Variants in PADI1 observed in about 807,000 individuals in gnomAD.
PADI1 encodes the protein peptidyl arginine deiminase 1.
In PADI1, 65 loss-of-function variants were observed where a neutral mutation model predicts 74.8. The observed-to-expected ratio is 0.87, with a 90% CI of 0.71 to 1.07. The LOEUF is 1.07. Ranked by LOEUF, PADI1 falls within the 50% of genes least tolerant of loss-of-function variation. PADI1 has a pLI of 0.00. For missense variants in PADI1, 943 were observed against 854.0 expected (o/e 1.10, Z -1.30); for synonymous variants, 371 against 336.2 (o/e 1.10, Z -1.13).
At chr1:17,230,313 T>C in intron 9 of PADI1, 105 bp downstream of exon 9, 1 of 1,418,864 alleles carries the variant, frequency 7.0e-7, no homozygotes, top group South Asian at 1.3e-5. Context: ...CACGGCAGCC[T>C]GGGCCAGGCC....
intron 8 of PADI1, 104 bp downstream of exon 8, chr1:17,229,155 C>A (rs1054354803): frequency 4.0e-6 from 3 of 753,914 alleles, no homozygotes; most frequent in Non-Finnish European, 6.6e-6. Flanking sequence ...GGATTCATTG[C>A]GGGCACCCAT....
chr1:17,237,587 T>TTTTTTAA, intron 12 of PADI1, 129 bp downstream of exon 12: 1 of 852,252 alleles, frequency 1.2e-6, no homozygotes, highest in Non-Finnish European at 1.7e-6. Flanking sequence ...GGACATTTTC[T>TTTTTTAA]GGGTCAGGGC....
rs764484476 is a variant in PADI1 at position 17,230,168 on chromosome 1, T to C, written c.1013T>C (p.Ile338Thr). Reference sequence around the variant, plus strand: ...TTGAAAGCCAACTGCAAGCTGACCATCTGCCCTCAAGTTGAAAATCGAAAT... The same window carrying C: ...TTGAAAGCCAACTGCAAGCTGACCACCTGCCCTCAAGTTGAAAATCGAAAT... ...LTLKANCKLT[I>T]CPQVENRNDR... Residue 338 changes from isoleucine (I) to threonine (T), a missense_variant, in exon 9 of 16, where the codon ATC becomes ACC. Physicochemically the swap from Ile to Thr is moderately conservative, Grantham distance 89. Transcript: ENST00000375471. 1.2e-6 allele frequency: 2 copies of C among 1,614,152 alleles called. No homozygotes were observed. The highest frequency in any genetic ancestry group is 4.5e-5 in the East Asian group (2 of 44,878).
chr1:17,216,342 G>A (rs1176808961), intron 1 of PADI1, among the ~76,000 whole-genome samples: 2 of 152,200 alleles, frequency 1.3e-5, no homozygotes, highest in East Asian at 1.9e-4. Context: ...CAGGATGTGA[G>A]CTGTGGCAGA....
rs540115908 is a variant in PADI1, at chr1:17,207,551, T to G, written c.92+2242T>G. ...AGCTCTGGTAGCTCTGTGAGTCCCC[T>G]TTTCTCCAGCATCTGTCCTTTCCCT... On this transcript the variant is annotated intron_variant, in intron 1 of 15. Transcript: ENST00000375471. Among the ~76,000 whole-genome samples, 3 of 152,342 alleles carry G rather than the reference T, an allele frequency of 2.0e-5. No individual in the cohort carries two copies. The South Asian group carries it at 6.2e-4, about 32-fold the overall frequency.
intron 15 of PADI1, among the ~76,000 whole-genome samples, chr1:17,241,025 G>T (rs1309389740): frequency 6.6e-6 from 1 of 152,134 alleles, no homozygotes; most frequent in Admixed American, 6.5e-5. Flanking sequence ...ATCCTACAGA[G>T]CATAGGATGC....
intron 1 of PADI1, among the ~76,000 whole-genome samples, chr1:17,214,175 A>G (rs1400412078): frequency 1.3e-5 from 2 of 152,204 alleles, no homozygotes; most frequent in African/African-American, 4.8e-5. Flanking sequence ...TCCCTCCAAC[A>G]GTCTAGGAAG....
chr1:17,237,947 G>C (rs1190333915), intron 12 of PADI1, among the ~76,000 whole-genome samples: 2 of 152,220 alleles, frequency 1.3e-5, no homozygotes, highest in African/African-American at 4.8e-5. Context: ...GGAGCCAGCA[G>C]CCTGGGAGAG....
chr1:17,212,684 G>A (rs192086651), intron 1 of PADI1, among the ~76,000 whole-genome samples: 32 of 152,368 alleles, frequency 2.1e-4, no homozygotes, highest in Admixed American at 1.7e-3. Flanking sequence ...AAAGCAGAGA[G>A]GGGTGTGAGG....
At chr1:17,237,279 A>G (rs767937973) in intron 11 of PADI1, 35 bp from the exon 12 acceptor site, 1 of 1,575,312 alleles carries the variant, frequency 6.3e-7, no homozygotes, top group Non-Finnish European at 8.6e-7. Flanking sequence ...CCTCTCAGGC[A>G]CAAGGTGACT....
intron 4 of PADI1, among the ~76,000 whole-genome samples, 177 bp downstream of exon 4, chr1:17,224,605 C>T (rs2072258132): frequency 6.6e-6 from 1 of 152,158 alleles, no homozygotes; most frequent in Non-Finnish European, 1.5e-5. Flanking sequence ...TTAACCTACA[C>T]CCTGTAACCG....
intron 2 of PADI1, 121 bp from the exon 3 acceptor site, chr1:17,223,500 T>C: frequency 2.6e-6 from 2 of 756,744 alleles, no homozygotes; most frequent in Non-Finnish European, 4.5e-6. Flanking sequence ...CTTCAGAGAC[T>C]GGGGGGGTCT....
At chr1:17,233,668 G>A (rs1223767981) in intron 11 of PADI1, among the ~76,000 whole-genome samples, 1 of 152,248 alleles carries the variant, frequency 6.6e-6, no homozygotes, top group East Asian at 1.9e-4. Flanking sequence ...CCCTGGAGAT[G>A]ACACCCACTG....
At chr1:17,236,336 A>G (rs2072640639) in intron 11 of PADI1, among the ~76,000 whole-genome samples, 1 of 152,238 alleles carries the variant, frequency 6.6e-6, no homozygotes, top group Non-Finnish European at 1.5e-5. Context: ...AATAGTCCCA[A>G]CCCCACAGGG....
intron 1 of PADI1, among the ~76,000 whole-genome samples, chr1:17,208,006 G>C (rs1270604088): frequency 1.3e-5 from 2 of 152,256 alleles, no homozygotes; most frequent in Non-Finnish European, 2.9e-5. Flanking sequence ...TCCAGCAGCT[G>C]GGCTGGCAGC....
chr1:17,237,174 G>C, intron 11 of PADI1, 140 bp from the exon 12 acceptor site: 1 of 917,228 alleles, frequency 1.1e-6, no homozygotes, highest in Non-Finnish European at 1.6e-6. Context: ...TGCTGTCTTG[G>C]CTTCTCCACG....
chr1:17,224,395 C>T lies in PADI1; in HGVS notation c.375C>T (p.Arg125=). ...TTTCCCTTGAGGTTGACACAGGCCG[C>T]ACAGGCAAGGTGAAGAGGAGCCAAG... The part of the protein sequence containing the change: ...VDISLEVDTG[R]TGKVKRSQGD... Residue 125 remains arginine, a synonymous_variant, in exon 4 of 16, where the codon CGC becomes CGT. Transcript: ENST00000375471. The T allele has an allele frequency of 1.9e-6, 3 of 1,613,978 alleles. No individual in the cohort carries two copies. Among genetic ancestry groups the T allele is most frequent in the South Asian group, 2.2e-5 (2 of 91,026 alleles).
At position 17,212,303 on chromosome 1, in the gene PADI1, G is replaced by A. The variant is rs1333918998; in HGVS notation, c.92+6994G>A. On this transcript the variant is annotated intron_variant, in intron 1 of 15. Coordinates refer to ENST00000375471, the MANE Select transcript of PADI1 (RefSeq NM_013358.3). ...GCCAGATCCTGGCCAGGCGTGCAGG[G>A]GAGCCACAGGCTCAGCCAGCAGTGC... 2.0e-5 allele frequency among the ~76,000 whole-genome samples: 3 copies of A among 152,318 alleles called. No individual in the cohort carries two copies. The South Asian group carries it at 6.2e-4, about 32-fold the overall frequency.
Position 17,245,225 on chromosome 1 carries a change from G to A in PADI1, c.*982G>A, listed in dbSNP as rs565283401. Reference sequence around the variant, plus strand: ...AGGTGGAGTTTAATTTCCTTTAATAGTCTTTAATTATTCCCCTTCATTCTG... The same window carrying A: ...AGGTGGAGTTTAATTTCCTTTAATAATCTTTAATTATTCCCCTTCATTCTG... On this transcript the variant is annotated 3_prime_UTR_variant, in exon 16 of 16. Coordinates refer to ENST00000375471, the MANE Select transcript of PADI1 (RefSeq NM_013358.3). This position sits in a 1 kb window ranked among gnomAD's most constrained non-coding sequence, Gnocchi z 4.1. 5 of 152,780 alleles carry A rather than the reference G, an allele frequency of 3.3e-5. No individual in the cohort carries two copies. In the East Asian group the frequency reaches 7.7e-4, roughly 24 times the overall value. 9.5% of individuals were successfully genotyped at this position (152,780 alleles called of 1,614,324 possible).
Sources: allele counts gnomAD v4.1 joint callset (sites outside exome capture counted in the v4.1 genomes callset), GRCh38; gene constraint gnomAD v4.1.1; non-coding constraint Gnocchi (gnomAD v3.1); transcripts MANE v1.5; gene names NCBI Gene and HGNC (gene_info 2026-07-23, HGNC 2026-07-21).